Variants in TANGO2 observed in about 807,000 individuals in gnomAD.
The protein encoded by TANGO2 is transport and Golgi organization protein 2 homolog.
Under a neutral mutation model 39.1 loss-of-function variants are expected in TANGO2, and 26 were observed. The observed-to-expected ratio is 0.67, with a 90% CI of 0.49 to 0.92. The LOEUF (loss-of-function observed/expected upper bound fraction) is 0.92, where lower values mean the gene tolerates loss of function less well. Ranked by LOEUF, TANGO2 falls within the 40% of genes least tolerant of loss-of-function variation. The probability of loss-of-function intolerance (pLI) is 0.00; values close to 1 mark genes in which losing one functional copy is unlikely to be tolerated. For missense variants in TANGO2, 326 were observed against 360.1 expected (o/e 0.91, Z 0.77); for synonymous variants, 131 against 144.5 (o/e 0.91, Z 0.67).
At chr22:20,026,210 C>CAACATGGTGA in intron 1 of TANGO2, among the ~76,000 whole-genome samples, 1 of 152,318 alleles carries the variant, frequency 6.6e-6, no homozygotes, top group East Asian at 1.9e-4. Flanking sequence ...CCAGCCTGAC[C>CAACATGGTGA]AACATGGTGA....
At chr22:20,034,953 G>A (rs1458556764) in intron 1 of TANGO2, among the ~76,000 whole-genome samples, 1 of 152,250 alleles carries the variant, frequency 6.6e-6, no homozygotes, top group Non-Finnish European at 1.5e-5. Context: ...AGCATCTTGA[G>A]TTGTTTTTAC....
intron 1 of TANGO2, 63 bp from the exon 2 acceptor site, chr22:20,036,697 G>T (rs1034742615): frequency 7.0e-7 from 1 of 1,431,818 alleles, no homozygotes; most frequent in Non-Finnish European, 9.8e-7. Flanking sequence ...GCCTGTTGCA[G>T]GTTCGGAGGG....
intron 2 of TANGO2, among the ~76,000 whole-genome samples, chr22:20,038,409 G>A (rs2043257618): frequency 6.6e-6 from 1 of 152,142 alleles, no homozygotes; most frequent in Non-Finnish European, 1.5e-5. Flanking sequence ...GCAGGCTGCT[G>A]AAGAGACTCA....
At chr22:20,030,508 G>A (rs766523683) in intron 1 of TANGO2, among the ~76,000 whole-genome samples, 1 of 152,050 alleles carries the variant, frequency 6.6e-6, no homozygotes, top group South Asian at 2.1e-4. Flanking sequence ...CACCACGCCC[G>A]GCTAATTTTT....
At chr22:20,036,440 C>T (rs371165706) in intron 1 of TANGO2, among the ~76,000 whole-genome samples, 14 of 152,230 alleles carry the variant, frequency 9.2e-5, no homozygotes, top group African/African-American at 3.1e-4. Context: ...GCCCTCACTT[C>T]TGCTGCCCCC....
At chr22:20,031,919 A>T (rs951572643) in intron 1 of TANGO2, among the ~76,000 whole-genome samples, 1 of 152,208 alleles carries the variant, frequency 6.6e-6, no homozygotes, top group Admixed American at 6.5e-5. Flanking sequence ...TGATCCCAGC[A>T]TCCCACGTGT....
chr22:20,053,812 C>A, intron 5 of TANGO2: 7 of 521,822 alleles, frequency 1.3e-5, no homozygotes, highest in South Asian at 1.1e-4. Flanking sequence ...GAAGAACAGT[C>A]ACATAGAGTG....
chr22:20,044,489 G>A (rs1416663073), intron 3 of TANGO2, among the ~76,000 whole-genome samples: 1 of 152,234 alleles, frequency 6.6e-6, no homozygotes, highest in Non-Finnish European at 1.5e-5. Context: ...TTGTGCCACT[G>A]CACTCCAGCA....
At chr22:20,058,036 T>C (rs1393578879) in intron 6 of TANGO2, 2 of 152,184 alleles carry the variant, frequency 1.3e-5, no homozygotes, top group Non-Finnish European at 2.9e-5. Context: ...CCTTTTTTTT[T>C]TTGATAAAGT....
At chr22:20,017,420 G>C (rs1392242254), upstream of TANGO2, among the ~76,000 whole-genome samples, 2 of 152,180 alleles carry the variant, frequency 1.3e-5, no homozygotes, top group Non-Finnish European at 2.9e-5. Context: ...GCAGCGGGGA[G>C]ACGATGGAGG....
In TANGO2 at chr22:20,056,241, C is replaced by T. The variant is rs759504478; in HGVS notation, c.451+228C>T. 133 of 684,778 alleles carry T rather than the reference C, an allele frequency of 1.9e-4. 1 individual carries two copies. The highest frequency in any genetic ancestry group is 1.8e-3 in the Admixed American group (91 of 49,318). The allele number at this position is 684,778 out of a possible 1,614,324, so 42.4% of individuals were successfully genotyped here. On this transcript the variant is annotated intron_variant, in intron 6 of 8. Coordinates refer to ENST00000327374, the MANE Select transcript of TANGO2 (RefSeq NM_152906.7). ...TGGGCTTTTCCTGCTGAGCAAGGTGCGCCCCTGTTCTGGGCTTCCCACCGC... is the reference window on the plus strand; with the variant it reads ...TGGGCTTTTCCTGCTGAGCAAGGTGTGCCCCTGTTCTGGGCTTCCCACCGC...
intron 1 of TANGO2, among the ~76,000 whole-genome samples, chr22:20,033,469 T>G (rs1387436695): frequency 2.0e-5 from 3 of 152,242 alleles, no homozygotes; most frequent in Admixed American, 2.0e-4. Flanking sequence ...CCCTCATCCA[T>G]GGCCTTGCCA....
chr22:20,037,488 G>A (rs999711793), intron 2 of TANGO2, among the ~76,000 whole-genome samples: 22 of 152,136 alleles, frequency 1.4e-4, no homozygotes, highest in African/African-American at 3.1e-4. Context: ...GCAACTGCTC[G>A]GGAAGTTTTC....
intron 6 of TANGO2, 92 bp downstream of exon 6, chr22:20,056,105 T>A (rs1256299231): frequency 7.7e-6 from 8 of 1,042,036 alleles, no homozygotes; most frequent in Non-Finnish European, 1.2e-5. Context: ...CTTGTCATAT[T>A]ACTCTTCTGA....
Position 20,056,927 on chromosome 22 carries a change from T to A in TANGO2, c.451+914T>A, listed in dbSNP as rs754528190. 45 of 456,468 alleles carry A rather than the reference T, an allele frequency of 9.9e-5. 1 individual carries two copies. The highest frequency in any genetic ancestry group is 1.8e-4 in the Non-Finnish European group (41 of 226,934). The allele number at this position is 456,468 out of a possible 1,614,324, so 28.3% of individuals were successfully genotyped here. ...TCAAGCTGCTGGCTCACACAGGGTG[T>A]TCCGGCGCCTGGGGAGTGTGTCAGT... is the stretch of plus-strand genomic sequence containing the variant. On this transcript the variant is annotated intron_variant, in intron 6 of 8. Coordinates refer to ENST00000327374, the MANE Select transcript of TANGO2 (RefSeq NM_152906.7).
intron 6 of TANGO2, among the ~76,000 whole-genome samples, chr22:20,059,796 C>CT (rs2048024727): frequency 1.3e-5 from 2 of 152,018 alleles, no homozygotes; most frequent in Admixed American, 1.3e-4. Flanking sequence ...TTTTTAAGTC[C>CT]TATGTCTCTC....
chr22:20,055,611 C>G (rs2047186002), intron 5 of TANGO2: 1 of 418,078 alleles, frequency 2.4e-6, no homozygotes, highest in East Asian at 4.9e-5. Flanking sequence ...GGATGGGGCT[C>G]AGCCCTGCAG....
chr22:20,020,130 A>G (rs1202761306), upstream of TANGO2, among the ~76,000 whole-genome samples: 1 of 152,184 alleles, frequency 6.6e-6, no homozygotes, highest in African/African-American at 2.4e-5. Context: ...ACCTTTTTCA[A>G]CTTCAACTGA....
At chr22:20,061,828 C>T (rs2048446344) in intron 7 of TANGO2, 145 bp downstream of exon 7, 2 of 1,022,626 alleles carry the variant, frequency 2.0e-6, no homozygotes, top group African/African-American at 1.6e-5. Flanking sequence ...ATCCTGTCCT[C>T]CCTGCCTGTC....
Sources: allele counts gnomAD v4.1 joint callset (sites outside exome capture counted in the v4.1 genomes callset), GRCh38; gene constraint gnomAD v4.1.1; transcripts MANE v1.5; gene names NCBI Gene and HGNC (gene_info 2026-07-23, HGNC 2026-07-21).